Variants in SUN1 observed in about 807,000 individuals in gnomAD.
The protein encoded by SUN1 is SUN domain-containing protein 1.
Under a neutral mutation model 103.2 loss-of-function variants are expected in SUN1, and 61 were observed. That is an observed-to-expected ratio of 0.59 (90% confidence interval 0.48 to 0.73). The LOEUF is 0.73. Among genes scored for constraint, SUN1 ranks in the 30% least tolerant of loss-of-function variants. The pLI, the probability that SUN1 is intolerant of heterozygous loss-of-function variation, is 0.00. For missense variants in SUN1, 1,052 were observed against 1,034.6 expected (o/e 1.02, Z -0.23); for synonymous variants, 490 against 425.7 (o/e 1.15, Z -1.86).
chr7:838,849 C>A lies in SUN1; in HGVS notation c.129C>A (p.Asp43Glu). The change falls in exon 2 of 19, where the codon GAC (aspartate) becomes GAA (glutamate). Residue 43 changes from aspartate (D) to glutamate (E), a missense_variant. Asp to Glu is a conservative substitution (Grantham distance 45, BLOSUM62 2). This residue lies in a region of SUN1 where 846 missense variants were observed against 774.5 expected (regional missense o/e 1.09). Transcript: ENST00000401592. Reference sequence around the variant, plus strand: ...ATTTTGAGACGGAGCACAAATTGGACCCTGTATTTGATTCTCCACGGATGT... The same window carrying A: ...ATTTTGAGACGGAGCACAAATTGGAACCTGTATTTGATTCTCCACGGATGT... ...ALDFETEHKL[D>E]PVFDSPRMSR... 6.3e-7 allele frequency: 1 copy of A among 1,581,380 alleles called. No homozygotes were observed. Among genetic ancestry groups the A allele is most frequent in the Non-Finnish European group, 8.6e-7 (1 of 1,162,984 alleles).
At chr7:842,959 C>T (rs1279891958) in intron 3 of SUN1, 2 of 612,766 alleles carry the variant, frequency 3.3e-6, no homozygotes, top group Non-Finnish European at 5.8e-6. Flanking sequence ...TTCTGCTTTC[C>T]TCCTTAGGCC....
At position 842,020 on chromosome 7, in the gene SUN1, C is replaced by T; in HGVS notation, c.341C>T (p.Ser114Phe). 6.2e-7 allele frequency: 1 copy of T among 1,614,210 alleles called. No homozygotes were observed. ...CACGTGTCAAGGCAGGTCACGTCCT[C>T]TGGCGTCAGCCACGGCGGCACTGTC... ...INHVSRQVTS[S>F]GVSHGGTVSL... The change falls in exon 3 of 19, where the codon TCT becomes TTT. Residue 114 changes from serine (S) to phenylalanine (F), a missense_variant. Physicochemically the swap from Ser to Phe is radical, Grantham distance 155. Transcript: ENST00000401592.
Position 873,412 on chromosome 7 carries a change from T to TTTG in SUN1, c.*81_*82insTTG. ...CTGGAATCCTTCATGGACGAGGGCA[T>TTTG]ATACAATGATGGGACAGTGCCACAC... On this transcript the variant is annotated 3_prime_UTR_variant, in exon 19 of 19. Coordinates refer to ENST00000401592, the MANE Select transcript of SUN1 (RefSeq NM_001130965.3). 7.9e-7 allele frequency: 1 copy of TTTG among 1,266,470 alleles called. No individual in the cohort carries two copies. The highest frequency in any genetic ancestry group is 1.1e-6 in the Non-Finnish European group (1 of 871,590). 78.5% of individuals were successfully genotyped at this position (1,266,470 alleles called of 1,614,324 possible).
intron 15 of SUN1, 147 bp downstream of exon 15, chr7:861,611 G>A: frequency 1.2e-6 from 1 of 801,704 alleles, no homozygotes; most frequent in Non-Finnish European, 2.1e-6. Flanking sequence ...TTCTGGGCAT[G>A]ACCCTGGTGT....
rs761239679 is a variant in SUN1 at position 853,396 on chromosome 7, C to A, written c.1054-13C>A. 1 of 1,612,874 alleles carries A rather than the reference C, an allele frequency of 6.2e-7. No individual in the cohort carries two copies. On this transcript the variant is annotated splice_polypyrimidine_tract_variant and intron_variant, in intron 9 of 18. Coordinates refer to ENST00000401592, the MANE Select transcript of SUN1 (RefSeq NM_001130965.3). ...TTTGACTACCTGGTTTCATTTCTCTCTTGCCATTTCAGGGTGACAGTGAGG... is the reference window on the plus strand; with the variant it reads ...TTTGACTACCTGGTTTCATTTCTCTATTGCCATTTCAGGGTGACAGTGAGG...
chr7:855,489 C>T (rs1028862387), intron 11 of SUN1, among the ~76,000 whole-genome samples: 3 of 152,222 alleles, frequency 2.0e-5, no homozygotes, highest in Admixed American at 1.3e-4. Context: ...GGAGTCGGGT[C>T]GGGCTCAGGT....
intron 5 of SUN1, among the ~76,000 whole-genome samples, chr7:846,764 C>T (rs1816229691): frequency 1.3e-5 from 2 of 151,758 alleles, no homozygotes; most frequent in Admixed American, 6.6e-5. Context: ...GTACTTCCAG[C>T]TACTCAGGAG....
At position 852,897 on chromosome 7, in the gene SUN1, A is replaced by G. The variant is rs2128396148; in HGVS notation, c.998A>G (p.Asp333Gly). The change falls in exon 9 of 19, where the codon GAT (aspartate) becomes GGT (glycine). Residue 333 changes from aspartate to glycine, a missense_variant. Coordinates refer to ENST00000401592, the MANE Select transcript of SUN1 (RefSeq NM_001130965.3). The stretch of plus-strand genomic sequence containing the variant: ...AGCATGCATAGAACACAGCGGGTGG[A>G]TGACCCCCAGGACGTGTTTAAACCC... ...WASMHRTQRV[D>G]DPQDVFKPTT... is the part of the protein sequence containing the mutation. The G allele has an allele frequency of 1.9e-6, 3 of 1,614,068 alleles. No individual in the cohort carries two copies. The highest frequency in any genetic ancestry group is 4.5e-5 in the East Asian group (2 of 44,880).
rs1843465793 is a variant in SUN1 at position 874,843 on chromosome 7, C to T, written c.*1512C>T. On this transcript the variant is annotated 3_prime_UTR_variant, in exon 19 of 19. Coordinates refer to ENST00000401592, the MANE Select transcript of SUN1 (RefSeq NM_001130965.3). ...TCTTTGGTAGTGCTTCTGCTGCTGCCACCAAATTGATAAGATGCTATTAAG... is the reference window on the plus strand; with the variant it reads ...TCTTTGGTAGTGCTTCTGCTGCTGCTACCAAATTGATAAGATGCTATTAAG... 6.6e-6 allele frequency: 1 copy of T among 152,194 alleles called. No individual in the cohort carries two copies. The highest frequency in any genetic ancestry group is 1.5e-5 in the Non-Finnish European group (1 of 68,042). 9.4% of individuals were successfully genotyped at this position (152,194 alleles called of 1,614,324 possible).
chr7:869,995 A>G (rs1840237367), intron 17 of SUN1, among the ~76,000 whole-genome samples: 1 of 151,336 alleles, frequency 6.6e-6, no homozygotes, highest in Admixed American at 6.6e-5. Flanking sequence ...GGAGTTCGAG[A>G]CCAGCCTGGC....
chr7:848,064 G>A lies in SUN1; in HGVS notation c.659-3320G>A, dbSNP rs181521181. Among the ~76,000 whole-genome samples the A allele has an allele frequency of 3.4e-3, 516 of 150,152 alleles. 7 individuals carry two copies. The South Asian group carries it at 0.04, about 12-fold the overall frequency. ...TCCGGGATCCCCTGGGGGTTACCCC[G>A]CAGCGCCCTCTCTGGGATCTCCTGG... On this transcript the variant is annotated intron_variant, in intron 5 of 18. Transcript: ENST00000401592.
chr7:826,858 G>A (rs878946078), intron 1 of SUN1, among the ~76,000 whole-genome samples: 4 of 152,152 alleles, frequency 2.6e-5, no homozygotes, highest in Non-Finnish European at 4.4e-5. Context: ...TGAGTGTTTC[G>A]TAGAAAATAA....
chr7:851,553 A>G, intron 6 of SUN1, 71 bp downstream of exon 6: 2 of 804,464 alleles, frequency 2.5e-6, no homozygotes, highest in African/African-American at 3.7e-5. Context: ...CACTCGATTT[A>G]CCTAACCAAG....
chr7:860,501 G>T, intron 14 of SUN1, 119 bp downstream of exon 14: 1 of 1,502,002 alleles, frequency 6.7e-7, no homozygotes. Flanking sequence ...GCTGGGGTGT[G>T]CTTAGCTGAC....
chr7:848,689 C>T (rs1034833704), intron 5 of SUN1: 17 of 1,103,238 alleles, frequency 1.5e-5, no homozygotes, highest in African/African-American at 8.2e-5. Context: ...TGACTTTCCT[C>T]GCCAGGCGCC....
At chr7:851,787 G>T in intron 6 of SUN1, 163 bp from the exon 7 acceptor site, 1 of 676,036 alleles carries the variant, frequency 1.5e-6, no homozygotes, top group Non-Finnish European at 2.6e-6. Flanking sequence ...AGCATGATAC[G>T]TTACTGCCTT....
At chr7:855,334 AC>A (rs1252443209) in intron 11 of SUN1, among the ~76,000 whole-genome samples, 1 of 152,104 alleles carries the variant, frequency 6.6e-6, no homozygotes, top group Non-Finnish European at 1.5e-5. Flanking sequence ...ACTGCCACAC[AC>A]CCACCTTGCA....
At chr7:827,014 C>T (rs1792764857) in intron 1 of SUN1, among the ~76,000 whole-genome samples, 1 of 152,048 alleles carries the variant, frequency 6.6e-6, no homozygotes, top group South Asian at 2.1e-4. Flanking sequence ...TCAGAACACT[C>T]AAGGTTTGTT....
intron 9 of SUN1, 48 bp from the exon 10 acceptor site, chr7:853,361 C>G: frequency 6.2e-7 from 1 of 1,602,420 alleles, no homozygotes; most frequent in Non-Finnish European, 8.5e-7. Context: ...TGACTCTGTG[C>G]TCATGCTTGT....
Sources: allele counts gnomAD v4.1 joint callset (sites outside exome capture counted in the v4.1 genomes callset), GRCh38; gene constraint gnomAD v4.1.1; regional missense constraint gnomAD v4.1.1; transcripts MANE v1.5; gene names NCBI Gene and HGNC (gene_info 2026-07-23, HGNC 2026-07-21).